The following LRRC8B variants were observed in gnomAD, a reference collection of about 807,000 sequenced individuals.
LRRC8B encodes leucine rich repeat containing 8 VRAC subunit B.
Under a neutral mutation model 58.8 loss-of-function variants are expected in LRRC8B, and 23 were observed. The ratio of observed to expected loss-of-function variants is 0.39; its 90% CI spans 0.28 to 0.55. The LOEUF (loss-of-function observed/expected upper bound fraction) is 0.55, where lower values mean the gene tolerates loss of function less well. Among genes scored for constraint, LRRC8B ranks in the 20% least tolerant of loss-of-function variants. The pLI, the probability that LRRC8B is intolerant of heterozygous loss-of-function variation, is 0.62. For missense variants in LRRC8B, 694 were observed against 936.0 expected (o/e 0.74, Z 3.37); for synonymous variants, 359 against 374.1 (o/e 0.96, Z 0.47).
chr1:89,572,602 T>G (rs1255566933), intron 3 of LRRC8B: 1 of 152,222 alleles, frequency 6.6e-6, no homozygotes, highest in African/African-American at 2.4e-5. Context: ...TGTCTGCCTG[T>G]CATTTGAAAG....
Position 89,582,897 on chromosome 1 carries a change from C to A in LRRC8B, c.247C>A (p.Pro83Thr). ...LKASMNTSSN[P>T]GTPLPLPLRI... ...AGCCAGCATGAACACATCCTCTAATCCTGGGACACCGCTTCCGCTCCCCCT... is the reference window on the plus strand; with the variant it reads ...AGCCAGCATGAACACATCCTCTAATACTGGGACACCGCTTCCGCTCCCCCT... The change falls in exon 5 of 6, where the codon CCT (proline) becomes ACT (threonine). Residue 83 changes from proline to threonine, a missense_variant. Physicochemically the swap from Pro to Thr is conservative, Grantham distance 38 (BLOSUM62 -1). Transcript: ENST00000330947. The A allele has an allele frequency of 6.2e-7, 1 of 1,614,214 alleles. No individual in the cohort carries two copies. Among genetic ancestry groups the A allele is most frequent in the Non-Finnish European group, 8.5e-7 (1 of 1,180,042 alleles).
At chr1:89,537,234 A>T (rs2100816945) in intron 1 of LRRC8B, among the ~76,000 whole-genome samples, 1 of 152,336 alleles carries the variant, frequency 6.6e-6, no homozygotes, top group East Asian at 1.9e-4. Flanking sequence ...ACTGCATTTC[A>T]GCCTGGGCAA....
intron 1 of LRRC8B, among the ~76,000 whole-genome samples, chr1:89,538,747 G>C (rs1650729708): frequency 6.6e-6 from 1 of 151,944 alleles, no homozygotes; most frequent in South Asian, 2.1e-4. Flanking sequence ...TTTAGACAGA[G>C]CCTCACTTTG....
At chr1:89,525,549 T>C (rs1287492077) in intron 1 of LRRC8B, among the ~76,000 whole-genome samples, 3 of 152,236 alleles carry the variant, frequency 2.0e-5, no homozygotes, top group African/African-American at 7.2e-5. Flanking sequence ...TGGTTGCCTA[T>C]AATTTGGTGG....
rs1654495341 is a variant in LRRC8B at position 89,584,647 on chromosome 1, A to G, written c.1997A>G (p.Asn666Ser). The G allele has an allele frequency of 1.2e-6, 2 of 1,613,924 alleles. No individual in the cohort carries two copies. Among genetic ancestry groups the G allele is most frequent in the African/African-American group, 1.3e-5 (1 of 74,924 alleles). The change falls in exon 5 of 6, where the codon AAT becomes AGT. Residue 666 changes from asparagine to serine, a missense_variant. This residue lies in a region of LRRC8B where 139 missense variants were observed against 158.2 expected (regional missense o/e 0.88). Transcript: ENST00000330947. The stretch of plus-strand genomic sequence containing the variant: ...CTAGAGCAGCTCTCTTTGGACCATA[A>G]TAATATTGAGAATCTGCCCTTGCAG... ...SNLEQLSLDH[N>S]NIENLPLQLF...
rs749264836 is a variant in LRRC8B at position 89,583,421 on chromosome 1, A to G, written c.771A>G (p.Val257=). The part of the protein sequence containing the change: ...HVEQKDIIYR[V]YLKQIIVKVI... Reference sequence around the variant, plus strand: ...AGCAGAAGGACATCATTTATAGAGTATATCTGAAACAGATAATAGTCAAAG... The same window carrying G: ...AGCAGAAGGACATCATTTATAGAGTGTATCTGAAACAGATAATAGTCAAAG... The change falls in exon 5 of 6, where the codon GTA becomes GTG. Residue 257 remains valine, a synonymous_variant. Coordinates refer to ENST00000330947, the MANE Select transcript of LRRC8B (RefSeq NM_001369817.2). The surrounding 1 kb of genome is among the most constrained non-coding windows in gnomAD (Gnocchi z 5.2). The G allele has an allele frequency of 1.2e-6, 2 of 1,614,194 alleles. No homozygotes were observed. Among genetic ancestry groups the G allele is most frequent in the South Asian group, 1.1e-5 (1 of 91,086 alleles).
Position 89,532,259 on chromosome 1 carries a change from C to T in LRRC8B, c.-241+7237C>T, listed in dbSNP as rs183074980. ...TTGCTTGTTTATGCTCTATTCCCCT[C>T]ACCCCCACCAGAATATAAGTTCTGT... On this transcript the variant is annotated intron_variant, in intron 1 of 5. Transcript: ENST00000330947. Among the ~76,000 whole-genome samples the T allele has an allele frequency of 2.0e-5, 3 of 152,318 alleles. No individual in the cohort carries two copies. In the East Asian group the frequency reaches 5.8e-4, roughly 29 times the overall value.
At chr1:89,559,929 T>G (rs1652495366) in intron 1 of LRRC8B, among the ~76,000 whole-genome samples, 1 of 152,198 alleles carries the variant, frequency 6.6e-6, no homozygotes, top group African/African-American at 2.4e-5. Context: ...TTTCCTGGTG[T>G]TCTAACTTTT....
chr1:89,575,716 A>G (rs950116089), intron 3 of LRRC8B, among the ~76,000 whole-genome samples: 1 of 152,164 alleles, frequency 6.6e-6, no homozygotes, highest in African/African-American at 2.4e-5. Context: ...TAATTATTAC[A>G]TAAATATTTA....
At chr1:89,538,751 C>T (rs1014490930) in intron 1 of LRRC8B, among the ~76,000 whole-genome samples, 5 of 152,034 alleles carry the variant, frequency 3.3e-5, no homozygotes, top group Admixed American at 2.0e-4. Flanking sequence ...GACAGAGCCT[C>T]ACTTTGTTGC....
intron 5 of LRRC8B, among the ~76,000 whole-genome samples, chr1:89,586,531 A>G (rs1654634981): frequency 6.6e-6 from 1 of 152,196 alleles, no homozygotes; most frequent in Admixed American, 6.5e-5. Context: ...GAGCAGGTGA[A>G]TGTTTCCACC....
chr1:89,567,754 G>T (rs1288023530), intron 1 of LRRC8B, among the ~76,000 whole-genome samples: 1 of 152,034 alleles, frequency 6.6e-6, no homozygotes, highest in African/African-American at 2.4e-5. Flanking sequence ...AAAAACATAT[G>T]AAGAGTACTG....
chr1:89,529,290 T>G lies in LRRC8B; in HGVS notation c.-241+4268T>G, dbSNP rs114450455. ...CAAATCCTATTAATATTTTAAATACTTGGGCATTTACCCCACTTGGTGTTA... is the reference window on the plus strand; with the variant it reads ...CAAATCCTATTAATATTTTAAATACGTGGGCATTTACCCCACTTGGTGTTA... On this transcript the variant is annotated intron_variant, in intron 1 of 5. Coordinates refer to ENST00000330947, the MANE Select transcript of LRRC8B (RefSeq NM_001369817.2). 2.6e-3 allele frequency among the ~76,000 whole-genome samples: 398 copies of G among 152,352 alleles called. 3 individuals are homozygous for G. The highest frequency in any genetic ancestry group is 8.8e-3 in the African/African-American group (365 of 41,584).
chr1:89,550,477 A>G (rs1440633148), intron 1 of LRRC8B, among the ~76,000 whole-genome samples: 2 of 152,156 alleles, frequency 1.3e-5, no homozygotes, highest in Non-Finnish European at 2.9e-5. Flanking sequence ...TGGCCTTTTC[A>G]TCTCACCTTC....
intron 1 of LRRC8B, among the ~76,000 whole-genome samples, chr1:89,557,867 AC>A (rs1652309039): frequency 6.6e-6 from 1 of 152,226 alleles, no homozygotes; most frequent in Non-Finnish European, 1.5e-5. Flanking sequence ...TAGAACATTT[AC>A]ACAGTAACAG....
chr1:89,570,263 C>T (rs925179354), intron 3 of LRRC8B, among the ~76,000 whole-genome samples: 5 of 152,024 alleles, frequency 3.3e-5, no homozygotes, highest in African/African-American at 4.8e-5. Flanking sequence ...GGTTGAATGG[C>T]GTTTCTGTCT....
At position 89,584,718 on chromosome 1, in the gene LRRC8B, C is replaced by T. The variant is rs1278391537; in HGVS notation, c.2068C>T (p.His690Tyr). ...ACATTATTTGGATCTAAGCTATAAC[C>T]ACTTGACCTTCATTCCAGAAGAAAT... ...KLHYLDLSYN[H>Y]LTFIPEEIQY... Residue 690 changes from histidine (H) to tyrosine (Y), a missense_variant, in exon 5 of 6, where the codon CAC becomes TAC. His to Tyr is a moderately conservative substitution (Grantham distance 83). This residue lies in a region of LRRC8B where 139 missense variants were observed against 158.2 expected (regional missense o/e 0.88). Transcript: ENST00000330947. 1.2e-6 allele frequency: 2 copies of T among 1,613,370 alleles called. No individual in the cohort carries two copies. Among genetic ancestry groups the T allele is most frequent in the East Asian group, 2.2e-5 (1 of 44,874 alleles).
intron 1 of LRRC8B, among the ~76,000 whole-genome samples, chr1:89,536,131 A>T (rs1192995285): frequency 1.3e-5 from 2 of 152,188 alleles, no homozygotes; most frequent in Non-Finnish European, 2.9e-5. Context: ...ACTTACTATG[A>T]TAGACATTTG....
At position 89,592,879 on chromosome 1, in the gene LRRC8B, C is replaced by G. The variant is rs1010298600; in HGVS notation, c.2248C>G (p.Leu750Val). Residue 750 changes from leucine to valine, a missense_variant, in exon 6 of 6, where the codon CTT (leucine) becomes GTT (valine). Around this residue, in one of 5 missense-constraint regions of LRRC8B, gnomAD observed 139 missense variants for 158.2 expected, o/e 0.88. Coordinates refer to ENST00000330947, the MANE Select transcript of LRRC8B (RefSeq NM_001369817.2). The part of the protein sequence containing the change: ...LSPHVGELSN[L>V]THLELIGNYL... ...CCCTCATGTGGGTGAGCTGTCAAAC[C>G]TTACTCATCTGGAGCTCATTGGTAA... The G allele has an allele frequency of 6.2e-6, 10 of 1,613,800 alleles. No individual in the cohort carries two copies. Among genetic ancestry groups the G allele is most frequent in the Non-Finnish European group, 8.5e-6 (10 of 1,179,996 alleles).
Sources: allele counts gnomAD v4.1 joint callset (sites outside exome capture counted in the v4.1 genomes callset), GRCh38; gene constraint gnomAD v4.1.1; regional missense constraint gnomAD v4.1.1; non-coding constraint Gnocchi (gnomAD v3.1); transcripts MANE v1.5; gene names NCBI Gene and HGNC (gene_info 2026-07-23, HGNC 2026-07-21).